KDM4D: variants seen among roughly 807,000 people sequenced by gnomAD.
KDM4D encodes lysine demethylase 4D, also known as lysine-specific demethylase 4D.
For synonymous variants in KDM4D, 254 were observed against 249.1 expected, an observed-to-expected ratio of 1.02 and a Z score of -0.19; for missense variants, 427 against 674.8, an observed-to-expected ratio of 0.63 and a Z score of 4.07.
At chr11:94,984,367 C>T (rs1483702222) in intron 2 of KDM4D, among the ~76,000 whole-genome samples, 10 of 151,788 alleles carry the variant, frequency 6.6e-5, no homozygotes, top group South Asian at 4.2e-4. Flanking sequence ...TGGTAGCCTG[C>T]GCCTATGGTC....
At chr11:94,985,846 C>T (rs983357559) in intron 2 of KDM4D, among the ~76,000 whole-genome samples, 3 of 152,166 alleles carry the variant, frequency 2.0e-5, no homozygotes, top group Non-Finnish European at 4.4e-5. Context: ...GCTGGAACAA[C>T]TCGATATCCA....
intron 2 of KDM4D, among the ~76,000 whole-genome samples, chr11:94,979,546 A>ATAG (rs1857826785): frequency 6.6e-6 from 1 of 152,162 alleles, no homozygotes; most frequent in Non-Finnish European, 1.5e-5. Context: ...GTGCATTTCT[A>ATAG]AATGATAATA....
rs782083358 is a variant in KDM4D at position 94,998,662 on chromosome 11, C to T, written c.1290C>T (p.Ser430=). The T allele has an allele frequency of 3.1e-6, 5 of 1,614,262 alleles. No homozygotes were observed. In the South Asian group the frequency reaches 5.5e-5, roughly 18 times the overall value. The part of the protein sequence containing the change: ...AAAVHSSKKP[S]STPSSTPGPS... The stretch of plus-strand genomic sequence containing the variant: ...CTGTCCACAGCTCTAAGAAGCCCAG[C>T]TCAACTCCATCATCCACCCCTGGTC... Residue 430 remains serine (S), a synonymous_variant, in exon 3 of 3, where the codon AGC becomes AGT. Transcript: ENST00000335080. This position sits in a 1 kb window ranked among gnomAD's most constrained non-coding sequence, Gnocchi z 6.7.
chr11:94,976,626 TGG>T (rs1199709236), intron 2 of KDM4D, among the ~76,000 whole-genome samples: 1 of 152,174 alleles, frequency 6.6e-6, no homozygotes, highest in Non-Finnish European at 1.5e-5. Context: ...CTTTTGGACA[TGG>T]TATAGTATAT....
intron 2 of KDM4D, among the ~76,000 whole-genome samples, chr11:94,995,663 A>G (rs1307297233): frequency 3.3e-5 from 5 of 152,220 alleles, no homozygotes; most frequent in Admixed American, 3.3e-4. Flanking sequence ...CCCCTAGTTT[A>G]AAAAATCTGT....
intron 2 of KDM4D, among the ~76,000 whole-genome samples, chr11:94,989,170 A>T (rs1555098381): frequency 6.6e-6 from 1 of 152,248 alleles, no homozygotes; most frequent in African/African-American, 2.4e-5. Flanking sequence ...ACATGTATAT[A>T]GAATTCACTT....
chr11:94,998,869 C>CA lies in KDM4D; in HGVS notation c.1499dup (p.Pro501AlafsTer38). On this transcript the variant is annotated frameshift_variant, in exon 3 of 3. Coordinates refer to ENST00000335080, the MANE Select transcript of KDM4D (RefSeq NM_018039.3). LOFTEE classifies it low-confidence loss of function (END_TRUNC). The surrounding 1 kb of genome is among the most constrained non-coding windows in gnomAD (Gnocchi z 6.7). ...TACCTGAGGATGGGGCTTTGATGGA[C>CA]AAGCCTGTACCACTGAGCCCAGGGC... 1 of 1,523,072 alleles carries CA rather than the reference C, an allele frequency of 6.6e-7. No homozygotes were observed. Among genetic ancestry groups the CA allele is most frequent in the Non-Finnish European group, 8.8e-7 (1 of 1,136,766 alleles). The allele number at this position is 1,523,072 out of a possible 1,614,324, so 94.3% of individuals were successfully genotyped here.
chr11:94,983,491 C>A (rs939604257), intron 2 of KDM4D, among the ~76,000 whole-genome samples: 1 of 151,814 alleles, frequency 6.6e-6, no homozygotes, highest in Non-Finnish European at 1.5e-5. Flanking sequence ...ATCAAAAAAA[C>A]ATAAACAGTA....
At chr11:94,996,008 C>T (rs1555099186) in intron 2 of KDM4D, among the ~76,000 whole-genome samples, 1 of 152,200 alleles carries the variant, frequency 6.6e-6, no homozygotes, top group African/African-American at 2.4e-5. Context: ...ATAGGGGACA[C>T]ATACTGCAAA....
Position 94,985,987 on chromosome 11 carries a change from C to T in KDM4D, c.-350+10239C>T, listed in dbSNP as rs371929288. The stretch of plus-strand genomic sequence containing the variant: ...CAGGAAAAATCTTTATGACATTGAG[C>T]TGGGCAATAACTTCTTAGACACAAA... On this transcript the variant is annotated intron_variant, in intron 2 of 2. Transcript: ENST00000335080. Among the ~76,000 whole-genome samples, 3 of 152,264 alleles carry T rather than the reference C, an allele frequency of 2.0e-5. No individual in the cohort carries two copies. In the East Asian group the frequency reaches 5.8e-4, roughly 29 times the overall value.
rs35631512 is a variant in KDM4D at position 94,998,437 on chromosome 11, C to G, written c.1065C>G (p.Ser355Arg). Residue 355 changes from serine (S) to arginine (R), a missense_variant, in exon 3 of 3, where the codon AGC (serine) becomes AGG (arginine). Coordinates refer to ENST00000335080, the MANE Select transcript of KDM4D (RefSeq NM_018039.3). The surrounding 1 kb of genome is among the most constrained non-coding windows in gnomAD (Gnocchi z 6.7). The part of the protein sequence containing the change: ...VDHMEPRVPA[S>R]QELSTQKEVQ... ...ACATGGAGCCCAGGGTACCAGCCAG[C>G]CAAGAGCTGAGCACCCAGAAGGAAG... is the stretch of plus-strand genomic sequence containing the variant. 2.2e-3 allele frequency: 3,564 copies of G among 1,613,660 alleles called. 72 individuals are homozygous for G. In the African/African-American group the frequency reaches 0.042, roughly 19 times the overall value.
Position 94,999,227 on chromosome 11 carries a change from T to G in KDM4D, c.*283T>G, listed in dbSNP as rs1296322662. ...GACACATTTGTGTGTGAGAACTAGG[T>G]CTTGTTGAGGTTAGCGTAACCTGGT... On this transcript the variant is annotated 3_prime_UTR_variant, in exon 3 of 3. Coordinates refer to ENST00000335080, the MANE Select transcript of KDM4D (RefSeq NM_018039.3). 1.1e-5 allele frequency: 3 copies of G among 275,626 alleles called. No individual in the cohort carries two copies. The highest frequency in any genetic ancestry group is 6.6e-5 in the African/African-American group (3 of 45,120). The allele number at this position is 275,626 out of a possible 1,614,324, so 17.1% of individuals were successfully genotyped here.
intron 1 of KDM4D, among the ~76,000 whole-genome samples, chr11:94,974,573 A>G (rs1048802986): frequency 5.9e-5 from 9 of 152,204 alleles, no homozygotes; most frequent in African/African-American, 2.2e-4. Context: ...CCTTTCAGTC[A>G]TAGAGTTCAA....
Position 94,997,407 on chromosome 11 carries a change from A to C in KDM4D, c.35A>C (p.Gln12Pro). Reference sequence around the variant, plus strand: ...ATGAAGTCTAAGGCCAACTGTGCCCAGAATCCAAATTGTAACATAATGATA... The same window carrying C: ...ATGAAGTCTAAGGCCAACTGTGCCCCGAATCCAAATTGTAACATAATGATA... ...ETMKSKANCA[Q>P]NPNCNIMIFH... Residue 12 changes from glutamine (Q) to proline (P), a missense_variant, in exon 3 of 3, where the codon CAG becomes CCG. Physicochemically the swap from Gln to Pro is moderately conservative, Grantham distance 76. Transcript: ENST00000335080. 6.2e-7 allele frequency: 1 copy of C among 1,612,434 alleles called. No homozygotes were observed. The highest frequency in any genetic ancestry group is 8.5e-7 in the Non-Finnish European group (1 of 1,179,282).
At chr11:94,981,108 A>C (rs995638205) in intron 2 of KDM4D, among the ~76,000 whole-genome samples, 2 of 152,126 alleles carry the variant, frequency 1.3e-5, no homozygotes, top group Non-Finnish European at 2.9e-5. Context: ...AAGAATGATG[A>C]ATTGATGAAT....
At chr11:94,982,571 A>G (rs1052608835) in intron 2 of KDM4D, among the ~76,000 whole-genome samples, 3 of 150,982 alleles carry the variant, frequency 2.0e-5, no homozygotes, top group African/African-American at 4.8e-5. Context: ...AGACATGACT[A>G]TTAAAAAAAG....
intron 2 of KDM4D, among the ~76,000 whole-genome samples, chr11:94,996,595 A>G (rs1857977500): frequency 6.6e-6 from 1 of 152,154 alleles, no homozygotes; most frequent in African/African-American, 2.4e-5. Context: ...TCATTGCTAT[A>G]TGGTATTCTG....
chr11:94,994,402 A>C (rs1555099010), intron 2 of KDM4D, among the ~76,000 whole-genome samples: 1 of 152,172 alleles, frequency 6.6e-6, no homozygotes, highest in Non-Finnish European at 1.5e-5. Context: ...TTATGACAAT[A>C]AATAACATGT....
intron 2 of KDM4D, among the ~76,000 whole-genome samples, chr11:94,992,534 A>G (rs782621330): frequency 1.3e-5 from 2 of 152,104 alleles, no homozygotes; most frequent in Non-Finnish European, 2.9e-5. Context: ...TTAGTAAAAT[A>G]TATATTTTTT....
Sources: allele counts gnomAD v4.1 joint callset (sites outside exome capture counted in the v4.1 genomes callset), GRCh38; gene constraint gnomAD v4.1.1; non-coding constraint Gnocchi (gnomAD v3.1); transcripts MANE v1.5; gene names NCBI Gene and HGNC (gene_info 2026-07-23, HGNC 2026-07-21).